CSDC2: variants seen among roughly 807,000 people sequenced by gnomAD.
CSDC2 encodes cold shock domain containing C2.
In CSDC2, 8 loss-of-function variants were observed where a neutral mutation model predicts 15.8. That is an observed-to-expected ratio of 0.51 (90% confidence interval 0.30 to 0.92). The LOEUF is 0.92. Among genes scored for constraint, CSDC2 ranks in the 40% least tolerant of loss-of-function variants. CSDC2 has a pLI of 0.07. For synonymous variants in CSDC2, 96 were observed against 92.3 expected (o/e 1.04, Z -0.23); for missense variants, 195 against 213.3 (o/e 0.91, Z 0.53).
chr22:41,574,835 C>T lies in CSDC2; in HGVS notation c.402C>T (p.Leu134=). 7.4e-6 allele frequency: 12 copies of T among 1,612,514 alleles called. No individual in the cohort carries two copies. The highest frequency in any genetic ancestry group is 1.0e-5 in the Non-Finnish European group (12 of 1,179,536). ...AGTTCCAGGCCGTGGAGGTGGTGCT[C>T]ACTCAGCTGGCCCCCCACACTCCCC... The part of the protein sequence containing the change: ...NQKFQAVEVV[L]TQLAPHTPHE... Residue 134 remains leucine (L), a synonymous_variant, in exon 4 of 4, where the codon CTC becomes CTT. Transcript: ENST00000306149.
At chr22:41,566,543 ATC>A (rs2067116042) in intron 1 of CSDC2, among the ~76,000 whole-genome samples, 1 of 150,306 alleles carries the variant, frequency 6.7e-6, no homozygotes. Flanking sequence ...AGGCAGGAGA[ATC>A]ACTTGAACCT....
intron 1 of CSDC2, among the ~76,000 whole-genome samples, chr22:41,565,308 G>T (rs1460268090): frequency 2.0e-5 from 3 of 151,080 alleles, no homozygotes; most frequent in African/African-American, 7.3e-5. Context: ...AAATTAATCG[G>T]GTGTGGTGGT....
In CSDC2 at chr22:41,575,097, C is replaced by G. The variant is rs574360006; in HGVS notation, c.*202C>G. 1.0e-4 allele frequency: 69 copies of G among 671,138 alleles called. No homozygotes were observed. The Middle Eastern group carries it at 1.3e-3, about 12-fold the overall frequency. The allele number at this position is 671,138 out of a possible 1,614,324, so 41.6% of individuals were successfully genotyped here. ...GACCCGTGACTACTGTGCAAGCTGG[C>G]CAGGAGGTAGGTGGAGGGCAAGGCC... On this transcript the variant is annotated 3_prime_UTR_variant, in exon 4 of 4. Coordinates refer to ENST00000306149, the MANE Select transcript of CSDC2 (RefSeq NM_014460.4).
In CSDC2 at chr22:41,576,052, C is replaced by A. The variant is rs1012116302; in HGVS notation, c.*1157C>A. 6.6e-6 allele frequency: 1 copy of A among 152,220 alleles called. No individual in the cohort carries two copies. The highest frequency in any genetic ancestry group is 2.4e-5 in the African/African-American group (1 of 41,448). The allele number at this position is 152,220 out of a possible 1,614,324, so 9.4% of individuals were successfully genotyped here. A position where few individuals can be genotyped will look rare whatever the true frequency, so the allele number is the denominator to read the frequency against. On this transcript the variant is annotated 3_prime_UTR_variant, in exon 4 of 4. Coordinates refer to ENST00000306149, the MANE Select transcript of CSDC2 (RefSeq NM_014460.4). ...CTGCCTCCACCTCTGGGTGCACCCC[C>A]TGCCTACCACCCTCCCTTCTAGAGA...
At chr22:41,570,200 C>G (rs993644386) in intron 1 of CSDC2, among the ~76,000 whole-genome samples, 2 of 152,232 alleles carry the variant, frequency 1.3e-5, no homozygotes, top group African/African-American at 4.8e-5. Context: ...AAAAGCCCCA[C>G]TTCAGCCTTT....
chr22:41,566,647 A>AGG lies in CSDC2; in HGVS notation c.-123-5192_-123-5191dup, dbSNP rs1173607685. On this transcript the variant is annotated intron_variant, in intron 1 of 3. Transcript: ENST00000306149. ...CTCTGTCTCAAAAAAAAAAAAAAAAAGGGGGAGGGTCACCGGACTCAGTGG... is the reference window on the plus strand; with the variant it reads ...CTCTGTCTCAAAAAAAAAAAAAAAAAGGGGGGGAGGGTCACCGGACTCAGTGG... 2.8e-4 allele frequency among the ~76,000 whole-genome samples: 40 copies of AGG among 143,316 alleles called. 1 individual carries two copies. Among genetic ancestry groups the AGG allele is most frequent in the Middle Eastern group, 7.6e-3 (2 of 264 alleles). 94.0% of individuals were successfully genotyped at this position (143,316 alleles called of 152,430 possible).
At position 41,569,500 on chromosome 22, in the gene CSDC2, G is replaced by A. The variant is rs1312003709; in HGVS notation, c.-123-2343G>A. 2.2e-4 allele frequency among the ~76,000 whole-genome samples: 34 copies of A among 152,186 alleles called. 1 individual carries two copies. Among genetic ancestry groups the A allele is most frequent in the Admixed American group, 2.2e-3 (34 of 15,272 alleles). ...TCTATGAGGATTTGCCTCAGAGATG[G>A]AATCATGCCCTCTGTGTTTTTGGGA... On this transcript the variant is annotated intron_variant, in intron 1 of 3. Transcript: ENST00000306149.
At position 41,573,751 on chromosome 22, in the gene CSDC2, C is replaced by G. The variant is rs371092509; in HGVS notation, c.273C>G (p.Ser91=). Residue 91 remains serine, a synonymous_variant, in exon 3 of 4, where the codon TCC becomes TCG. Transcript: ENST00000306149. The stretch of plus-strand genomic sequence containing the variant: ...GCTTCATCACCCCCGAGAACGGGTC[C>G]GAGGACATCTTCGTACATGTGTCTG... ...GHGFITPENG[S]EDIFVHVSDI... The G allele has an allele frequency of 1.9e-6, 3 of 1,613,756 alleles. No homozygotes were observed. The highest frequency in any genetic ancestry group is 3.3e-4 in the Middle Eastern group (2 of 6,058).
chr22:41,568,134 C>CTTTTTTT (rs66884544), intron 1 of CSDC2, among the ~76,000 whole-genome samples: 2 of 109,554 alleles, frequency 1.8e-5, no homozygotes, highest in African/African-American at 7.0e-5. Flanking sequence ...CTCTCCCTCT[C>CTTTTTTT]TTTTTTTTGA....
chr22:41,570,622 G>C (rs1460547917), intron 1 of CSDC2, among the ~76,000 whole-genome samples: 1 of 152,078 alleles, frequency 6.6e-6, no homozygotes, highest in African/African-American at 2.4e-5. Context: ...AGGAGTTCGA[G>C]ATCAGCCTGG....
intron 2 of CSDC2, among the ~76,000 whole-genome samples, chr22:41,573,069 A>T (rs1476569265): frequency 6.6e-6 from 1 of 152,092 alleles, no homozygotes; most frequent in Non-Finnish European, 1.5e-5. Flanking sequence ...TTTGGGCCAG[A>T]CATGGTGGCT....
chr22:41,575,958 T>A lies in CSDC2; in HGVS notation c.*1063T>A, dbSNP rs2067173197. Reference sequence around the variant, plus strand: ...GGCCAAGATGTGTGTGCACCCGGGGTCGTGGCCATTCACTCCCAGGCAGGG... The same window carrying A: ...GGCCAAGATGTGTGTGCACCCGGGGACGTGGCCATTCACTCCCAGGCAGGG... On this transcript the variant is annotated 3_prime_UTR_variant, in exon 4 of 4. Transcript: ENST00000306149. 1 of 152,098 alleles carries A rather than the reference T, an allele frequency of 6.6e-6. No individual in the cohort carries two copies. Among genetic ancestry groups the A allele is most frequent in the African/African-American group, 2.4e-5 (1 of 41,380 alleles). The allele number at this position is 152,098 out of a possible 1,614,324, so 9.4% of individuals were successfully genotyped here.
chr22:41,569,252 C>CT (rs1000339302), intron 1 of CSDC2, among the ~76,000 whole-genome samples: 1 of 152,292 alleles, frequency 6.6e-6, no homozygotes, highest in African/African-American at 2.4e-5. Flanking sequence ...GCCCCGTCTT[C>CT]TTTTTTTTGG....
intron 2 of CSDC2, 65 bp downstream of exon 2, chr22:41,572,206 C>T: frequency 8.2e-7 from 1 of 1,226,176 alleles, no homozygotes; most frequent in South Asian, 4.0e-5. Flanking sequence ...CATCCCCATC[C>T]TCTTCCAACT....
rs750367703 is a variant in CSDC2, at chr22:41,573,740, G to C, written c.262G>C (p.Glu88Gln). ...RSQGHGFITPENGSEDIFVHV... is the reference protein window; with the variant it reads ...RSQGHGFITPQNGSEDIFVHV... ...ACAGGGCCATGGCTTCATCACCCCC[G>C]AGAACGGGTCCGAGGACATCTTCGT... The change falls in exon 3 of 4, where the codon GAG becomes CAG. Residue 88 changes from glutamate (E) to glutamine (Q), a missense_variant. Physicochemically the swap from Glu to Gln is conservative, Grantham distance 29 (BLOSUM62 2). Transcript: ENST00000306149. 1 of 1,613,818 alleles carries C rather than the reference G, an allele frequency of 6.2e-7. No homozygotes were observed. The highest frequency in any genetic ancestry group is 1.1e-5 in the South Asian group (1 of 91,068).
intron 1 of CSDC2, among the ~76,000 whole-genome samples, chr22:41,570,427 G>A (rs1569048440): frequency 6.6e-6 from 1 of 152,164 alleles, no homozygotes; most frequent in Non-Finnish European, 1.5e-5. Context: ...GACTCATCCA[G>A]GCCTGCCATG....
intron 1 of CSDC2, 101 bp from the exon 2 acceptor site, chr22:41,571,742 C>T (rs374647612): frequency 1.5e-5 from 6 of 390,646 alleles, no homozygotes; most frequent in East Asian, 7.3e-5. Flanking sequence ...GAAGTAACGC[C>T]GTGAGGATAG....
At chr22:41,567,686 G>A (rs1165966301) in intron 1 of CSDC2, among the ~76,000 whole-genome samples, 1 of 152,220 alleles carries the variant, frequency 6.6e-6, no homozygotes, top group Non-Finnish European at 1.5e-5. Flanking sequence ...CCTGGACACA[G>A]GACTCCTGCC....
chr22:41,572,142 G>C lies in CSDC2; in HGVS notation c.176+1G>C, dbSNP rs373565731. 2.3e-6 allele frequency: 3 copies of C among 1,312,824 alleles called. No homozygotes were observed. The highest frequency in any genetic ancestry group is 2.9e-6 in the Non-Finnish European group (3 of 1,024,222). 81.3% of individuals were successfully genotyped at this position (1,312,824 alleles called of 1,614,324 possible). ...CCAAGCGGACCAGGACCTATTCAGC[G>C]TGAGTACCTGCCCCTTGCCCAGGCC... is the stretch of plus-strand genomic sequence containing the variant. On this transcript the variant is annotated splice_donor_variant, in intron 2 of 3. Coordinates refer to ENST00000306149, the MANE Select transcript of CSDC2 (RefSeq NM_014460.4). LOFTEE classifies it high-confidence loss of function.
Sources: allele counts gnomAD v4.1 joint callset (sites outside exome capture counted in the v4.1 genomes callset), GRCh38; gene constraint gnomAD v4.1.1; transcripts MANE v1.5; gene names NCBI Gene and HGNC (gene_info 2026-07-23, HGNC 2026-07-21).